The following CLYBL variants were observed in gnomAD, a reference collection of about 807,000 sequenced individuals.
CLYBL encodes the protein citramalyl-CoA lyase, also known as citramalyl-CoA lyase, mitochondrial.
In CLYBL, 31 loss-of-function variants were observed where a neutral mutation model predicts 38.9. That is an observed-to-expected ratio of 0.80 (90% CI 0.60 to 1.08). The LOEUF is 1.08. Among genes scored for constraint, CLYBL ranks in the 50% least tolerant of loss-of-function variants. CLYBL has a pLI of 0.00. For missense variants in CLYBL, 434 were observed against 411.6 expected, an observed-to-expected ratio of 1.05 and a Z score of -0.47; for synonymous variants, 171 against 158.6, an observed-to-expected ratio of 1.08 and a Z score of -0.59.
rs928861398 is a variant in CLYBL at position 99,682,957 on chromosome 13, C to T, written c.62+76200C>T. Reference sequence around the variant, plus strand: ...TTCGCCATGTTGGCCAGGCTGGTCTCGAACTCCTGACCTCAGGTGATTCAC... The same window carrying T: ...TTCGCCATGTTGGCCAGGCTGGTCTTGAACTCCTGACCTCAGGTGATTCAC... On this transcript the variant is annotated intron_variant, in intron 1 of 8. Coordinates refer to ENST00000339105, the MANE Select transcript of CLYBL (RefSeq NM_206808.5). Among the ~76,000 whole-genome samples the T allele has an allele frequency of 9.2e-5, 14 of 151,970 alleles. No individual in the cohort carries two copies. In the South Asian group the frequency reaches 1.0e-3, roughly 11 times the overall value.
chr13:99,620,337 C>A (rs577509483), intron 1 of CLYBL, among the ~76,000 whole-genome samples: 1 of 152,188 alleles, frequency 6.6e-6, no homozygotes, highest in Non-Finnish European at 1.5e-5. Flanking sequence ...AGCTGGCTTG[C>A]AAATGCCCAG....
chr13:99,606,915 C>G (rs952735773), intron 1 of CLYBL, among the ~76,000 whole-genome samples, 158 bp downstream of exon 1: 110 of 152,308 alleles, frequency 7.2e-4, no homozygotes, highest in African/African-American at 2.4e-3. Flanking sequence ...TCGACCTCGT[C>G]CAAGGTCGCT....
intron 1 of CLYBL, among the ~76,000 whole-genome samples, chr13:99,771,139 C>A (rs1482928448): frequency 6.7e-6 from 1 of 149,320 alleles, no homozygotes; most frequent in Admixed American, 6.7e-5. Flanking sequence ...TGGGCTTAAT[C>A]AATCCTCCCA....
intron 7 of CLYBL, among the ~76,000 whole-genome samples, chr13:99,888,523 G>T (rs936937560): frequency 2.6e-5 from 4 of 152,108 alleles, no homozygotes; most frequent in Non-Finnish European, 5.9e-5. Flanking sequence ...GCCGAGGTGG[G>T]CAGATCAGCT....
At chr13:99,669,942 C>A (rs1277111265) in intron 1 of CLYBL, among the ~76,000 whole-genome samples, 1 of 152,000 alleles carries the variant, frequency 6.6e-6, no homozygotes, top group East Asian at 1.9e-4. Flanking sequence ...CCTGTAATCC[C>A]AGCATTTTGG....
At chr13:99,864,777 C>G in intron 4 of CLYBL, 41 bp from the exon 5 acceptor site, 1 of 1,382,010 alleles carries the variant, frequency 7.2e-7, no homozygotes, top group Non-Finnish European at 1.0e-6. Flanking sequence ...CTCTGACGCA[C>G]GCGTTTCCGT....
chr13:99,880,155 C>T (rs1050118384), intron 7 of CLYBL, among the ~76,000 whole-genome samples: 1 of 148,896 alleles, frequency 6.7e-6, no homozygotes, highest in Non-Finnish European at 1.5e-5. Context: ...GCAACCTCTG[C>T]CTCCTAGGTT....
At chr13:99,679,548 T>A (rs1399923157) in intron 1 of CLYBL, among the ~76,000 whole-genome samples, 1 of 152,184 alleles carries the variant, frequency 6.6e-6, no homozygotes, top group Non-Finnish European at 1.5e-5. Flanking sequence ...GCTGGGACTT[T>A]CTTTTTCCTT....
At position 99,740,684 on chromosome 13, in the gene CLYBL, G is replaced by A. The variant is rs76820309; in HGVS notation, c.63-32140G>A. Among the ~76,000 whole-genome samples the A allele has an allele frequency of 9.3e-4, 141 of 152,310 alleles. 1 individual carries two copies. In the East Asian group the frequency reaches 0.024, roughly 26 times the overall value. The stretch of plus-strand genomic sequence containing the variant: ...TCTCTCAAACTGAGATTTTTGATTC[G>A]TAGACAGGTCGCCCGTAGACTCTTC... On this transcript the variant is annotated intron_variant, in intron 1 of 8. Transcript: ENST00000339105.
intron 2 of CLYBL, among the ~76,000 whole-genome samples, chr13:99,822,151 G>C (rs1404460201): frequency 6.6e-6 from 1 of 152,206 alleles, no homozygotes; most frequent in Non-Finnish European, 1.5e-5. Flanking sequence ...AGACCAGCAG[G>C]AGAATCATGC....
chr13:99,633,238 GAA>G (rs2046973472), intron 1 of CLYBL, among the ~76,000 whole-genome samples: 1 of 130,026 alleles, frequency 7.7e-6, no homozygotes, highest in Non-Finnish European at 1.6e-5. Flanking sequence ...AAAAAAAAGA[GAA>G]GAGAAGAAAA....
chr13:99,858,076 G>A (rs1223044183), intron 2 of CLYBL, among the ~76,000 whole-genome samples: 1 of 151,878 alleles, frequency 6.6e-6, no homozygotes, highest in African/African-American at 2.4e-5. Context: ...CACCTTCATT[G>A]CCCCCAAGCC....
At chr13:99,837,394 G>C (rs1467233736) in intron 2 of CLYBL, among the ~76,000 whole-genome samples, 2 of 152,174 alleles carry the variant, frequency 1.3e-5, no homozygotes, top group Non-Finnish European at 2.9e-5. Flanking sequence ...AAGCTGCAGT[G>C]AGCACCGTAA....
Position 99,606,760 on chromosome 13 carries a change from G to C in CLYBL, c.62+3G>C. On this transcript the variant is annotated splice_donor_region_variant and intron_variant, in intron 1 of 8. Transcript: ENST00000339105. The stretch of plus-strand genomic sequence containing the variant: ...GCGGCGGCGGCGCTGCTGAGGCTGT[G>C]AGTGCAGGTCCCCGTTCCCCGCCTT... 6.8e-7 allele frequency: 1 copy of C among 1,472,090 alleles called. No individual in the cohort carries two copies. The highest frequency in any genetic ancestry group is 1.5e-5 in the African/African-American group (1 of 68,094). The allele number at this position is 1,472,090 out of a possible 1,614,324, so 91.2% of individuals were successfully genotyped here. A position where few individuals can be genotyped will look rare whatever the true frequency, so the allele number is the denominator to read the frequency against.
chr13:99,852,313 A>G (rs951696902), intron 2 of CLYBL, among the ~76,000 whole-genome samples: 1 of 152,120 alleles, frequency 6.6e-6, no homozygotes, highest in Non-Finnish European at 1.5e-5. Flanking sequence ...ATCACAGCTT[A>G]CTGTAGCCTC....
intron 1 of CLYBL, among the ~76,000 whole-genome samples, chr13:99,680,941 CTT>C (rs2047725876): frequency 6.6e-6 from 1 of 152,236 alleles, no homozygotes; most frequent in African/African-American, 2.4e-5. Context: ...TCCACACACT[CTT>C]TCCTATTCCA....
chr13:99,718,522 C>G (rs1486469706), intron 1 of CLYBL, among the ~76,000 whole-genome samples: 2 of 152,092 alleles, frequency 1.3e-5, no homozygotes, highest in South Asian at 4.1e-4. Context: ...ACCAGCAAAC[C>G]AATTCAGCAT....
At chr13:99,702,935 G>A (rs192256951) in intron 1 of CLYBL, among the ~76,000 whole-genome samples, 232 of 152,360 alleles carry the variant, frequency 1.5e-3, no homozygotes, top group African/African-American at 5.3e-3. Context: ...GAGTGGGTGA[G>A]AGGAATACTT....
chr13:99,801,815 G>A (rs541520984), intron 2 of CLYBL, among the ~76,000 whole-genome samples: 4 of 152,210 alleles, frequency 2.6e-5, no homozygotes, highest in Admixed American at 6.5e-5. Flanking sequence ...TCAGGAGTTC[G>A]AGACCAGCCT....
Sources: gnomAD v4.1 joint callset for allele counts (sites outside exome capture counted in the v4.1 genomes callset) on GRCh38, gnomAD v4.1.1 for gene constraint, MANE v1.5 for transcripts, NCBI Gene and HGNC (gene_info 2026-07-23, HGNC 2026-07-21) for gene names.